Variants in SVOPL observed in about 807,000 individuals in gnomAD.
SVOPL encodes SVOP like.
A neutral mutation model predicts 61.0 loss-of-function variants in SVOPL; 60 were observed. That is an observed-to-expected ratio of 0.98 (90% CI 0.80 to 1.22). The LOEUF (loss-of-function observed/expected upper bound fraction) is 1.22, where lower values mean the gene tolerates loss of function less well. Ranked by LOEUF, SVOPL falls within the 50% of genes most tolerant of loss-of-function variation. The pLI, the probability that SVOPL is intolerant of heterozygous loss-of-function variation, is 0.00. For synonymous variants in SVOPL, 279 were observed against 250.0 expected (o/e 1.12, Z -1.09); for missense variants, 662 against 643.9 (o/e 1.03, Z -0.30).
intron 2 of SVOPL, 78 bp downstream of exon 2, chr7:138,678,886 C>A: frequency 2.1e-6 from 3 of 1,440,734 alleles, no homozygotes; most frequent in African/African-American, 1.4e-5. Flanking sequence ...TTTGACCTCA[C>A]CTTTTTGCAT....
intron 8 of SVOPL, among the ~76,000 whole-genome samples, chr7:138,648,103 T>A (rs1801212256): frequency 6.6e-6 from 1 of 152,104 alleles, no homozygotes. Flanking sequence ...GATTCTACAG[T>A]TGAACAACCT....
intron 14 of SVOPL, among the ~76,000 whole-genome samples, chr7:138,599,425 A>T (rs1024156947): frequency 3.3e-5 from 5 of 152,158 alleles, no homozygotes; most frequent in African/African-American, 9.7e-5. Context: ...GTATCTATGG[A>T]CATTTGGTTT....
intron 9 of SVOPL, among the ~76,000 whole-genome samples, chr7:138,639,886 G>A (rs1800695129): frequency 6.7e-6 from 1 of 150,268 alleles, no homozygotes; most frequent in South Asian, 2.1e-4. Context: ...ATAGCTAGTT[G>A]GGACTACAGG....
Position 138,648,997 on chromosome 7 carries a change from C to T in SVOPL, c.660+15G>A, listed in dbSNP as rs1278782006. The T allele has an allele frequency of 6.2e-7, 1 of 1,613,682 alleles. No individual in the cohort carries two copies. Among genetic ancestry groups the T allele is most frequent in the Non-Finnish European group, 8.5e-7 (1 of 1,179,818 alleles). ...AGGAGGAGGGGACAGGAAGGAGCCA[C>T]AAGTGCTTCCCCACCTTGAAGGCCA... On this transcript the variant is annotated intron_variant, in intron 8 of 15. Transcript: ENST00000674285.
intron 1 of SVOPL, among the ~76,000 whole-genome samples, chr7:138,700,282 A>G (rs1803161771): frequency 6.6e-6 from 1 of 151,770 alleles, no homozygotes; most frequent in African/African-American, 2.4e-5. Flanking sequence ...TAACTCAGCA[A>G]TGGAATGCTG....
At chr7:138,666,690 T>C (rs888441395) in intron 4 of SVOPL, among the ~76,000 whole-genome samples, 13 of 151,764 alleles carry the variant, frequency 8.6e-5, no homozygotes, top group Admixed American at 8.5e-4. Context: ...GTGCACAAAC[T>C]GTTTGTTTTC....
intron 14 of SVOPL, among the ~76,000 whole-genome samples, chr7:138,615,261 A>G (rs1219144570): frequency 1.3e-5 from 2 of 152,070 alleles, no homozygotes; most frequent in East Asian, 3.9e-4. Context: ...GTGTCCTTAA[A>G]AAAAGAGATC....
At chr7:138,684,934 C>CT (rs201231483) in intron 1 of SVOPL, among the ~76,000 whole-genome samples, 42,537 of 140,008 alleles carry the variant, frequency 0.3, 6,727 homozygotes, top group African/African-American at 0.4. Context: ...TTTTTCTTTT[C>CT]TTTTTTTTTT....
intron 9 of SVOPL, among the ~76,000 whole-genome samples, chr7:138,639,908 A>G (rs1399980202): frequency 2.3e-5 from 2 of 86,530 alleles, no homozygotes; most frequent in African/African-American, 8.0e-5. Context: ...GTGCGCCACT[A>G]TGCCTGTTTT....
rs141988826 is a variant in SVOPL, at chr7:138,607,026, T to TG, written c.1354-10497_1354-10496insC. 7.3e-5 allele frequency among the ~76,000 whole-genome samples: 5 copies of TG among 68,334 alleles called. No homozygotes were observed. In the South Asian group the frequency reaches 2.1e-3, roughly 28 times the overall value. 44.8% of individuals were successfully genotyped at this position (68,334 alleles called of 152,430 possible). ...TAACTGTCTGCTTAACTGTTTTTTG[T>TG]TTTTTTTTTCATTCTCCTCTCTCAA... On this transcript the variant is annotated intron_variant, in intron 14 of 15. Coordinates refer to ENST00000674285, the MANE Select transcript of SVOPL (RefSeq NM_001139456.2).
intron 1 of SVOPL, among the ~76,000 whole-genome samples, chr7:138,692,726 G>C (rs1488320538): frequency 1.3e-5 from 2 of 152,124 alleles, no homozygotes; most frequent in Non-Finnish European, 2.9e-5. Flanking sequence ...CTTGGTCCTA[G>C]AGTGAGCAAG....
At chr7:138,662,957 C>T in intron 5 of SVOPL, 117 bp downstream of exon 5, 1 of 1,529,054 alleles carries the variant, frequency 6.5e-7, no homozygotes, top group Non-Finnish European at 8.8e-7. Flanking sequence ...GAAATGTCTG[C>T]ATTTTCTATC....
At chr7:138,629,153 G>GTGTGTGTGTGTGTGTGTGTA (rs10624737) in intron 10 of SVOPL, among the ~76,000 whole-genome samples, 4 of 147,280 alleles carry the variant, frequency 2.7e-5, no homozygotes, top group African/African-American at 7.6e-5. Flanking sequence ...GTGTGTGTGT[G>GTGTGTGTGTGTGTGTGTGTA]TATATATGTA....
chr7:138,621,261 G>A, intron 13 of SVOPL, 126 bp from the exon 14 acceptor site: 1 of 607,388 alleles, frequency 1.6e-6, no homozygotes, highest in Non-Finnish European at 2.6e-6. Flanking sequence ...TACAGAATAT[G>A]GAATAGAAGG....
At chr7:138,668,232 T>A (rs1445552471) in intron 4 of SVOPL, among the ~76,000 whole-genome samples, 1 of 152,118 alleles carries the variant, frequency 6.6e-6, no homozygotes. Context: ...CTCACTGACC[T>A]TCCCCCACCC....
intron 13 of SVOPL, among the ~76,000 whole-genome samples, chr7:138,623,007 G>GC (rs1353067513): frequency 1.3e-5 from 2 of 152,184 alleles, no homozygotes; most frequent in African/African-American, 4.8e-5. Flanking sequence ...AAAGCATATA[G>GC]CCCCCTTTAG....
intron 11 of SVOPL, among the ~76,000 whole-genome samples, chr7:138,627,787 T>TC (rs1424149787): frequency 2.6e-5 from 4 of 152,342 alleles, no homozygotes; most frequent in East Asian, 1.9e-4. Flanking sequence ...TGATTTTTTT[T>TC]CATCAGCTCA....
intron 7 of SVOPL, among the ~76,000 whole-genome samples, chr7:138,649,985 C>T (rs556473349): frequency 2.6e-5 from 4 of 152,084 alleles, no homozygotes; most frequent in African/African-American, 9.7e-5. Context: ...GCGCGTGCCA[C>T]CACACCCAGC....
rs915310481 is a variant in SVOPL, at chr7:138,594,380, C to T, written c.*230G>A. 9.4e-6 allele frequency: 3 copies of T among 320,508 alleles called. No individual in the cohort carries two copies. The highest frequency in any genetic ancestry group is 9.4e-5 in the Admixed American group (2 of 21,270). The allele number at this position is 320,508 out of a possible 1,614,324, so 19.9% of individuals were successfully genotyped here. Reference sequence around the variant, plus strand: ...CCCCCCCACCATCTCCCTCTCACACCCCTTTGAAAGCTTAAATTATATTTT... The same window carrying T: ...CCCCCCCACCATCTCCCTCTCACACTCCTTTGAAAGCTTAAATTATATTTT... On this transcript the variant is annotated 3_prime_UTR_variant, in exon 16 of 16. Coordinates refer to ENST00000674285, the MANE Select transcript of SVOPL (RefSeq NM_001139456.2).
Sources: allele counts gnomAD v4.1 joint callset (sites outside exome capture counted in the v4.1 genomes callset), GRCh38; gene constraint gnomAD v4.1.1; transcripts MANE v1.5; gene names NCBI Gene and HGNC (gene_info 2026-07-23, HGNC 2026-07-21).